Variants in SLC45A4 observed in about 807,000 individuals in gnomAD.
SLC45A4 encodes the protein polyamine-transporter SLC45A4.
A neutral mutation model predicts 63.7 loss-of-function variants in SLC45A4; 32 were observed. The ratio of observed to expected loss-of-function variants is 0.50; its 90% CI spans 0.38 to 0.67. The LOEUF (loss-of-function observed/expected upper bound fraction) is 0.67, where lower values mean the gene tolerates loss of function less well. Among genes scored for constraint, SLC45A4 ranks in the 30% least tolerant of loss-of-function variants. The pLI is 0.00. For missense variants in SLC45A4, 1,027 were observed against 1,157.7 expected (o/e 0.89, Z 1.64); for synonymous variants, 535 against 510.0 (o/e 1.05, Z -0.66).
At chr8:141,271,608 TTTCA>T (rs1829524654) in intron 1 of SLC45A4, among the ~76,000 whole-genome samples, 1 of 152,176 alleles carries the variant, frequency 6.6e-6, no homozygotes, top group African/African-American at 2.4e-5. Context: ...CCTGACCCCA[TTTCA>T]GAAGGGGCCA....
At chr8:141,258,868 G>T (rs138185581) in intron 1 of SLC45A4, among the ~76,000 whole-genome samples, 3 of 148,858 alleles carry the variant, frequency 2.0e-5, no homozygotes, top group African/African-American at 7.5e-5. Context: ...TCCAGTCTGC[G>T]AGACACAGTG....
rs62522187 is a variant in SLC45A4, at chr8:141,226,122, A to G, written c.242-4357T>C. ...CCGTTCCTCATGGCCTGACATCGTG[A>G]TTTTAACTTTACACCCTGCGGTGTC... On this transcript the variant is annotated intron_variant, in intron 2 of 8. Coordinates refer to ENST00000517878, the MANE Select transcript of SLC45A4 (RefSeq NM_001286646.2). 307 of 152,390 alleles carry G rather than the reference A, an allele frequency of 2.0e-3. 1 individual carries two copies. The highest frequency in any genetic ancestry group is 3.4e-3 in the Middle Eastern group (1 of 294). 9.4% of individuals were successfully genotyped at this position (152,390 alleles called of 1,614,324 possible).
intron 2 of SLC45A4, among the ~76,000 whole-genome samples, chr8:141,234,523 G>A (rs1347380358): frequency 6.6e-6 from 1 of 152,226 alleles, no homozygotes; most frequent in Admixed American, 6.5e-5. Flanking sequence ...ACCCAAACAG[G>A]GTCGCAGGTG....
intron 1 of SLC45A4, among the ~76,000 whole-genome samples, chr8:141,289,818 G>C (rs1023134244): frequency 6.6e-6 from 1 of 152,012 alleles, no homozygotes; most frequent in Non-Finnish European, 1.5e-5. Context: ...GTAAGGCAAG[G>C]CCTCACCACC....
In SLC45A4 at chr8:141,254,180, T is replaced by C; in HGVS notation, c.50A>G (p.Glu17Gly). ...CGGGTCCGGCAGGGGCACGGATAAC[T>C]CTTGAACTTGCATAGATTCCGGGTC... ...NADPESMQVQELSVPLPDPQK... is the reference protein window; with the variant it reads ...NADPESMQVQGLSVPLPDPQK... Residue 17 changes from glutamate (E) to glycine (G), a missense_variant, in exon 2 of 9, where the codon GAG (glutamate) becomes GGG (glycine). Glu to Gly is a moderately conservative substitution (Grantham distance 98, BLOSUM62 -2). Coordinates refer to ENST00000517878, the MANE Select transcript of SLC45A4 (RefSeq NM_001286646.2). The surrounding 1 kb of genome is among the most constrained non-coding windows in gnomAD (Gnocchi z 4.5). 3.3e-6 allele frequency: 5 copies of C among 1,536,064 alleles called. No individual in the cohort carries two copies. The highest frequency in any genetic ancestry group is 4.4e-6 in the Non-Finnish European group (5 of 1,146,876).
chr8:141,222,500 TTAAG>T (rs75984985), intron 2 of SLC45A4, among the ~76,000 whole-genome samples: 48,088 of 151,582 alleles, frequency 0.32, 7,746 homozygotes, highest in South Asian at 0.42. Flanking sequence ...CTCAGAGAGG[TTAAG>T]TAATCCACCC....
Position 141,254,869 on chromosome 8 carries a change from A to C in SLC45A4, c.-400-240T>G. On this transcript the variant is annotated intron_variant, in intron 1 of 8. Transcript: ENST00000517878. This position sits in a 1 kb window ranked among gnomAD's most constrained non-coding sequence, Gnocchi z 4.5. ...GGACAAAGGTGGGGCAATCAAGGAA[A>C]GCAGGATCAAAGAACAGACAGAGAA... The C allele has an allele frequency of 2.4e-6, 1 of 419,726 alleles. No individual in the cohort carries two copies. The allele number at this position is 419,726 out of a possible 1,614,324, so 26.0% of individuals were successfully genotyped here.
chr8:141,301,709 T>G (rs1415253071), intron 1 of SLC45A4, among the ~76,000 whole-genome samples: 2 of 105,556 alleles, frequency 1.9e-5, no homozygotes, highest in Non-Finnish European at 3.5e-5. Context: ...GACTCCAGCC[T>G]GGGGGACAGA....
intron 1 of SLC45A4, among the ~76,000 whole-genome samples, chr8:141,306,154 G>A (rs1830892718): frequency 6.6e-6 from 1 of 152,194 alleles, no homozygotes. Flanking sequence ...TCTCGGCAGG[G>A]CAGCAGGCCA....
Position 141,212,224 on chromosome 8 carries a change from C to T in SLC45A4, c.2274G>A (p.Leu758=). ...CGGACTCTGTCTCCACCGGTCCCTG[C>T]AGGCCCTCCTTCCGCGTGAGCTTCA... ...TVLKLTRKEG[L]QGPVETESVT... is the part of the protein sequence containing the mutation. Residue 758 remains leucine (L), a synonymous_variant, in exon 8 of 9, where the codon CTG becomes CTA. Coordinates refer to ENST00000517878, the MANE Select transcript of SLC45A4 (RefSeq NM_001286646.2). The T allele has an allele frequency of 1.3e-6, 2 of 1,550,810 alleles. No individual in the cohort carries two copies. The highest frequency in any genetic ancestry group is 1.7e-6 in the Non-Finnish European group (2 of 1,146,376).
chr8:141,218,591 T>C lies in SLC45A4; in HGVS notation c.1049A>G (p.Glu350Gly). The C allele has an allele frequency of 1.2e-6, 2 of 1,613,430 alleles. No homozygotes were observed. Among genetic ancestry groups the C allele is most frequent in the Non-Finnish European group, 1.7e-6 (2 of 1,179,894 alleles). ...YPATPRSTSQ[E>G]LAKTKLPRLA... The stretch of plus-strand genomic sequence containing the variant: ...GCGGGGCAGCTTGGTCTTGGCGAGC[T>C]CCTGGCTGGTGCTGCGGGGGGTGGC... The change falls in exon 5 of 9, where the codon GAG becomes GGG. Residue 350 changes from glutamate to glycine, a missense_variant. Glu to Gly is a moderately conservative substitution (Grantham distance 98). Coordinates refer to ENST00000517878, the MANE Select transcript of SLC45A4 (RefSeq NM_001286646.2).
chr8:141,302,643 T>C (rs1317818655), intron 1 of SLC45A4, among the ~76,000 whole-genome samples: 4 of 152,222 alleles, frequency 2.6e-5, no homozygotes, highest in African/African-American at 9.6e-5. Flanking sequence ...AAAGTTATTT[T>C]ACAGAACACA....
At chr8:141,279,572 G>T (rs940297919) in intron 1 of SLC45A4, among the ~76,000 whole-genome samples, 1 of 152,224 alleles carries the variant, frequency 6.6e-6, no homozygotes, top group Non-Finnish European at 1.5e-5. Flanking sequence ...AAAGTTGGGG[G>T]CTTCGAGTAC....
rs371146925 is a variant in SLC45A4 at position 141,219,013 on chromosome 8, G to A, written c.627C>T (p.Ile209=). ...AGTCCAGCCCACCCAGCACGTAGCC[G>A]ATGGCTCCGCCGAGGCCTGCGTGGG... The part of the protein sequence containing the change: ...HAFSAGLGGA[I]GYVLGGLDWT... The change falls in exon 5 of 9, where the codon ATC becomes ATT. Residue 209 remains isoleucine (I), a synonymous_variant. Coordinates refer to ENST00000517878, the MANE Select transcript of SLC45A4 (RefSeq NM_001286646.2). 18 of 1,611,364 alleles carry A rather than the reference G, an allele frequency of 1.1e-5. No homozygotes were observed. The highest frequency in any genetic ancestry group is 4.0e-5 in the African/African-American group (3 of 74,912).
At chr8:141,294,734 A>G (rs570816607) in intron 1 of SLC45A4, among the ~76,000 whole-genome samples, 1 of 152,368 alleles carries the variant, frequency 6.6e-6, no homozygotes, top group South Asian at 2.1e-4. Context: ...AGGGCAGCAC[A>G]AGAGAGGGGA....
Position 141,211,504 on chromosome 8 carries a change from C to A in SLC45A4, c.*68G>T. 1 of 1,610,100 alleles carries A rather than the reference C, an allele frequency of 6.2e-7. No individual in the cohort carries two copies. Among genetic ancestry groups the A allele is most frequent in the Non-Finnish European group, 8.5e-7 (1 of 1,178,372 alleles). ...TCCCAGCTTTGGTGTGCGGTCGCTGCCCAAGGACAGGGCTGCCCTGGGCAC... is the reference window on the plus strand; with the variant it reads ...TCCCAGCTTTGGTGTGCGGTCGCTGACCAAGGACAGGGCTGCCCTGGGCAC... On this transcript the variant is annotated 3_prime_UTR_variant, in exon 9 of 9. Coordinates refer to ENST00000517878, the MANE Select transcript of SLC45A4 (RefSeq NM_001286646.2).
chr8:141,265,498 T>C (rs1829230796), intron 1 of SLC45A4, among the ~76,000 whole-genome samples: 1 of 152,236 alleles, frequency 6.6e-6, no homozygotes, highest in Non-Finnish European at 1.5e-5. Flanking sequence ...GTGAGGTCAC[T>C]TTCTTAGAGC....
chr8:141,240,091 T>C (rs1385084264), intron 2 of SLC45A4, among the ~76,000 whole-genome samples: 2 of 152,232 alleles, frequency 1.3e-5, no homozygotes, highest in Non-Finnish European at 2.9e-5. Flanking sequence ...GTCTGGTGTT[T>C]TAAACAAATG....
rs1025598235 is a variant in SLC45A4, at chr8:141,229,279, G to A, written c.242-7514C>T. On this transcript the variant is annotated intron_variant, in intron 2 of 8. Coordinates refer to ENST00000517878, the MANE Select transcript of SLC45A4 (RefSeq NM_001286646.2). The surrounding 1 kb of genome is among the most constrained non-coding windows in gnomAD (Gnocchi z 5.0). ...ACCCACTGCTTGCACCTGCCGTGGC[G>A]TCCAGGGCCCTCAAAGTCCTGCCTC... is the stretch of plus-strand genomic sequence containing the variant. 6.6e-6 allele frequency among the ~76,000 whole-genome samples: 1 copy of A among 151,904 alleles called. No individual in the cohort carries two copies. The highest frequency in any genetic ancestry group is 1.5e-5 in the Non-Finnish European group (1 of 67,984).
Sources: gnomAD v4.1 joint callset for allele counts (sites outside exome capture counted in the v4.1 genomes callset) on GRCh38, gnomAD v4.1.1 for gene constraint, Gnocchi (gnomAD v3.1) non-coding constraint, MANE v1.5 for transcripts, NCBI Gene and HGNC (gene_info 2026-07-23, HGNC 2026-07-21) for gene names.